DCC: variants seen among roughly 807,000 people sequenced by gnomAD.
The protein encoded by DCC is netrin receptor DCC.
A neutral mutation model predicts 172.5 loss-of-function variants in DCC; 58 were observed. The observed-to-expected ratio is 0.34, with a 90% CI of 0.27 to 0.42. The LOEUF (loss-of-function observed/expected upper bound fraction) is 0.42, where lower values mean the gene tolerates loss of function less well. Ranked by LOEUF, DCC falls within the 10% of genes least tolerant of loss-of-function variation. DCC has a pLI of 1.00. For synonymous variants in DCC, 709 were observed against 644.5 expected (o/e 1.10, Z -1.52); for missense variants, 1,740 against 1,791.0 (o/e 0.97, Z 0.51).
chr18:52,696,933 T>A (rs2036021850), intron 1 of DCC, among the ~76,000 whole-genome samples: 2 of 152,104 alleles, frequency 1.3e-5, no homozygotes, highest in South Asian at 4.1e-4. Flanking sequence ...TCTGTAAATG[T>A]GGGATGGGAC....
chr18:52,364,162 T>G (rs1214169279), intron 1 of DCC, among the ~76,000 whole-genome samples: 1 of 152,346 alleles, frequency 6.6e-6, no homozygotes, highest in East Asian at 1.9e-4. Flanking sequence ...CACACATTTT[T>G]TTTACTCTGT....
chr18:52,482,095 C>T (rs546943238), intron 1 of DCC, among the ~76,000 whole-genome samples: 54 of 152,136 alleles, frequency 3.5e-4, no homozygotes, highest in Non-Finnish European at 6.8e-4. Context: ...CATATCCACT[C>T]ACCCACCCAT....
chr18:53,431,010 T>C (rs1382765057), intron 21 of DCC, among the ~76,000 whole-genome samples: 2 of 152,146 alleles, frequency 1.3e-5, no homozygotes, highest in Admixed American at 6.6e-5. Context: ...TAAACGACTT[T>C]ATGACATTTT....
At chr18:53,269,886 G>A (rs1357816497) in intron 12 of DCC, among the ~76,000 whole-genome samples, 2 of 152,178 alleles carry the variant, frequency 1.3e-5, no homozygotes, top group African/African-American at 4.8e-5. Context: ...GCCCCCTAGA[G>A]TTTGGGCTGG....
chr18:53,471,254 C>T (rs191326753), intron 25 of DCC, among the ~76,000 whole-genome samples: 51 of 152,256 alleles, frequency 3.3e-4, no homozygotes, highest in African/African-American at 9.6e-4. Flanking sequence ...ATAATCACAT[C>T]GTGGAGAATA....
At chr18:52,435,497 C>A (rs1987762948) in intron 1 of DCC, among the ~76,000 whole-genome samples, 1 of 152,188 alleles carries the variant, frequency 6.6e-6, no homozygotes, top group African/African-American at 2.4e-5. Context: ...CTAATGCTCT[C>A]TAATCCCTGC....
chr18:52,502,046 A>G (rs1014396845), intron 1 of DCC, among the ~76,000 whole-genome samples: 2 of 152,200 alleles, frequency 1.3e-5, no homozygotes, highest in African/African-American at 2.4e-5. Flanking sequence ...GAAGTTCTAA[A>G]TATGAGAAAC....
chr18:53,429,469 A>C (rs1911466580), intron 21 of DCC, among the ~76,000 whole-genome samples: 1 of 151,870 alleles, frequency 6.6e-6, no homozygotes, highest in African/African-American at 2.4e-5. Context: ...TGAAATTATT[A>C]TCTTAGTTTT....
intron 12 of DCC, among the ~76,000 whole-genome samples, chr18:53,260,273 G>C (rs2056578854): frequency 6.6e-6 from 1 of 152,132 alleles, no homozygotes; most frequent in Non-Finnish European, 1.5e-5. Context: ...GAGGAGGAGA[G>C]GCGTTCTGAT....
intron 1 of DCC, among the ~76,000 whole-genome samples, chr18:52,622,846 C>A (rs2034505440): frequency 6.6e-6 from 1 of 151,718 alleles, no homozygotes; most frequent in South Asian, 2.1e-4. Flanking sequence ...TTTAGGTGAC[C>A]AAAAAAAATG....
intron 7 of DCC, among the ~76,000 whole-genome samples, chr18:53,111,892 A>G (rs1454455331): frequency 6.6e-6 from 1 of 151,682 alleles, no homozygotes; most frequent in East Asian, 1.9e-4. Flanking sequence ...AATTGCTGAA[A>G]ATTCTCTTGA....
intron 5 of DCC, among the ~76,000 whole-genome samples, chr18:53,045,494 G>T (rs915920340): frequency 2.6e-5 from 4 of 151,776 alleles, no homozygotes; most frequent in Admixed American, 2.0e-4. Context: ...AATGACAAAG[G>T]TGGCCATCTA....
intron 5 of DCC, among the ~76,000 whole-genome samples, chr18:52,974,886 A>G (rs2041092219): frequency 6.6e-6 from 1 of 152,172 alleles, no homozygotes; most frequent in South Asian, 2.1e-4. Flanking sequence ...TTGTGCTGTG[A>G]GTTAGGTCAC....
At chr18:53,511,930 G>A (rs1300245735) in intron 27 of DCC, among the ~76,000 whole-genome samples, 1 of 152,242 alleles carries the variant, frequency 6.6e-6, no homozygotes, top group Admixed American at 6.5e-5. Context: ...GGTAAACAAA[G>A]CAACCAGGAA....
At chr18:52,845,485 C>T (rs2038871023) in intron 2 of DCC, among the ~76,000 whole-genome samples, 1 of 152,104 alleles carries the variant, frequency 6.6e-6, no homozygotes, top group Non-Finnish European at 1.5e-5. Flanking sequence ...ATCCCAATAG[C>T]AATACAACCA....
chr18:52,901,054 G>A (rs1057139929), intron 2 of DCC, among the ~76,000 whole-genome samples: 3 of 152,144 alleles, frequency 2.0e-5, no homozygotes, highest in African/African-American at 4.8e-5. Flanking sequence ...ACATATAAAC[G>A]AACGTCTTTT....
chr18:53,348,946 C>A (rs2057755914), intron 15 of DCC, among the ~76,000 whole-genome samples: 1 of 152,170 alleles, frequency 6.6e-6, no homozygotes, highest in Non-Finnish European at 1.5e-5. Flanking sequence ...GAGACATTTT[C>A]TCCATTGTGT....
intron 11 of DCC, among the ~76,000 whole-genome samples, chr18:53,214,113 A>G (rs1180225875): frequency 6.6e-6 from 1 of 152,100 alleles, no homozygotes; most frequent in Non-Finnish European, 1.5e-5. Flanking sequence ...TAAAATCAGA[A>G]TAAGAATCTC....
intron 15 of DCC, among the ~76,000 whole-genome samples, chr18:53,378,432 G>C (rs573589299): frequency 6.3e-4 from 96 of 152,226 alleles, no homozygotes; most frequent in African/African-American, 2.2e-3. Flanking sequence ...TGAACAAATG[G>C]AAGGATGAAG....
Sources: allele counts gnomAD v4.1 joint callset (sites outside exome capture counted in the v4.1 genomes callset), GRCh38; gene constraint gnomAD v4.1.1; transcripts MANE v1.5; gene names NCBI Gene and HGNC (gene_info 2026-07-23, HGNC 2026-07-21).